Variants in NCKAP5L observed in about 807,000 individuals in gnomAD.
NCKAP5L encodes nck-associated protein 5-like.
NCKAP5L carries 54 observed loss-of-function variants against 103.2 expected under a neutral mutation model. The ratio of observed to expected loss-of-function variants is 0.52; its 90% CI spans 0.42 to 0.66. The LOEUF (loss-of-function observed/expected upper bound fraction) is 0.66, where lower values mean the gene tolerates loss of function less well. Among genes scored for constraint, NCKAP5L ranks in the 30% least tolerant of loss-of-function variants. The pLI is 0.00. For missense variants in NCKAP5L, 1,733 were observed against 1,750.6 expected, an observed-to-expected ratio of 0.99 and a Z score of 0.18; for synonymous variants, 762 against 748.6, an observed-to-expected ratio of 1.02 and a Z score of -0.29.
chr12:49,816,388 TATC>T (rs1946296189), intron 1 of NCKAP5L, among the ~76,000 whole-genome samples: 1 of 148,676 alleles, frequency 6.7e-6, no homozygotes, highest in South Asian at 2.1e-4. Flanking sequence ...GACCCCTAAC[TATC>T]CTCCATCAAA....
At chr12:49,811,687 T>G (rs985110357) in intron 1 of NCKAP5L, among the ~76,000 whole-genome samples, 1 of 152,008 alleles carries the variant, frequency 6.6e-6, no homozygotes, top group Non-Finnish European at 1.5e-5. Context: ...GGTGGGAGGA[T>G]CACTTGAGGG....
At chr12:49,803,051 G>A (rs757948727) in intron 4 of NCKAP5L, 46 bp downstream of exon 4, 1 of 1,614,144 alleles carries the variant, frequency 6.2e-7, no homozygotes, top group South Asian at 1.1e-5. Context: ...CTTCTGCCAG[G>A]AGCAGATGAG....
intron 1 of NCKAP5L, among the ~76,000 whole-genome samples, chr12:49,820,990 A>C (rs933277653): frequency 1.3e-5 from 2 of 152,130 alleles, no homozygotes; most frequent in African/African-American, 4.8e-5. Context: ...AGGAGAGAAG[A>C]ATATCCCATC....
intron 8 of NCKAP5L, 51 bp from the exon 9 acceptor site, chr12:49,793,947 A>G (rs1945983984): frequency 1.4e-6 from 2 of 1,412,306 alleles, no homozygotes; most frequent in Non-Finnish European, 1.9e-6. Context: ...CTGCCCAGAC[A>G]TTCCAGCCTT....
In NCKAP5L at chr12:49,791,798, T is replaced by C. The variant is rs1945938341; in HGVS notation, c.*41A>G. ...GCATGAAGAGAGCCGGTCCAGTCTG[T>C]GGTCCCCAGCTCCAGCGGGGCCGTG... On this transcript the variant is annotated 3_prime_UTR_variant, in exon 13 of 13. Coordinates refer to ENST00000335999, the MANE Select transcript of NCKAP5L (RefSeq NM_001037806.4). 3 of 1,493,654 alleles carry C rather than the reference T, an allele frequency of 2.0e-6. No homozygotes were observed. The highest frequency in any genetic ancestry group is 2.7e-6 in the Non-Finnish European group (3 of 1,110,842). 92.5% of individuals were successfully genotyped at this position (1,493,654 alleles called of 1,614,324 possible).
At chr12:49,825,441 T>C (rs1427427117) in intron 1 of NCKAP5L, among the ~76,000 whole-genome samples, 2 of 152,142 alleles carry the variant, frequency 1.3e-5, no homozygotes, top group Non-Finnish European at 1.5e-5. Flanking sequence ...TCAGGCATGA[T>C]GGGGTCAGGG....
In NCKAP5L at chr12:49,791,706, T is replaced by G; in HGVS notation, c.*133A>C. ...GTGGTGGGGTGTGCCAGGGACCCCC[T>G]TTTCACCTTCTTATCCACCTGCCTC... is the stretch of plus-strand genomic sequence containing the variant. On this transcript the variant is annotated 3_prime_UTR_variant, in exon 13 of 13. Transcript: ENST00000335999. 1.3e-6 allele frequency: 1 copy of G among 748,182 alleles called. No homozygotes were observed. The highest frequency in any genetic ancestry group is 2.1e-6 in the Non-Finnish European group (1 of 480,482). 46.3% of individuals were successfully genotyped at this position (748,182 alleles called of 1,614,324 possible).
chr12:49,803,292 T>C, intron 3 of NCKAP5L, 127 bp from the exon 4 acceptor site: 3 of 858,698 alleles, frequency 3.5e-6, no homozygotes, highest in Admixed American at 2.2e-5. Context: ...CTCCAGCTCT[T>C]GGCTGTGAGC....
intron 1 of NCKAP5L, among the ~76,000 whole-genome samples, chr12:49,807,716 C>T (rs1946196075): frequency 1.3e-5 from 2 of 152,218 alleles, no homozygotes; most frequent in Non-Finnish European, 2.9e-5. Flanking sequence ...AGGTCACCTC[C>T]AGCATCTGAC....
chr12:49,793,116 C>A (rs1945967764), intron 10 of NCKAP5L, 130 bp from the exon 11 acceptor site: 2 of 845,896 alleles, frequency 2.4e-6, no homozygotes, highest in Non-Finnish European at 3.6e-6. Flanking sequence ...GCTCATTCCA[C>A]AGCACCTGTC....
At chr12:49,812,128 T>A (rs1298698706) in intron 1 of NCKAP5L, among the ~76,000 whole-genome samples, 3 of 152,198 alleles carry the variant, frequency 2.0e-5, no homozygotes, top group African/African-American at 7.2e-5. Flanking sequence ...CGTGCAATCA[T>A]CAACATGGTT....
intron 1 of NCKAP5L, among the ~76,000 whole-genome samples, chr12:49,815,993 C>T (rs1426166347): frequency 2.0e-5 from 3 of 152,184 alleles, no homozygotes; most frequent in African/African-American, 7.2e-5. Flanking sequence ...ACACAACCCT[C>T]AAAGCTCTGC....
Position 49,800,291 on chromosome 12 carries a change from G to A in NCKAP5L, c.351+1557C>T, listed in dbSNP as rs1035665187. On this transcript the variant is annotated intron_variant, in intron 6 of 12. Coordinates refer to ENST00000335999, the MANE Select transcript of NCKAP5L (RefSeq NM_001037806.4). ...CACACTGTCCCCTGGGTTCTTTGAC[G>A]GCACTGTCACACTCTGCCTTGTGGC... 7.9e-5 allele frequency among the ~76,000 whole-genome samples: 12 copies of A among 152,160 alleles called. No individual in the cohort carries two copies. In the South Asian group the frequency reaches 1.5e-3, roughly 18 times the overall value.
chr12:49,804,686 C>T (rs752528212), intron 2 of NCKAP5L: 5 of 152,202 alleles, frequency 3.3e-5, no homozygotes, highest in African/African-American at 1.2e-4. Context: ...ATATGAAAAC[C>T]GAGCTCATTC....
At position 49,792,516 on chromosome 12, in the gene NCKAP5L, G is replaced by A. The variant is rs757302905; in HGVS notation, c.3722C>T (p.Ala1241Val). The change falls in exon 12 of 13, where the codon GCA (alanine) becomes GTA (valine). Residue 1241 changes from alanine (A) to valine (V), a missense_variant. Coordinates refer to ENST00000335999, the MANE Select transcript of NCKAP5L (RefSeq NM_001037806.4). The surrounding 1 kb of genome is among the most constrained non-coding windows in gnomAD (Gnocchi z 4.5). The part of the protein sequence containing the change: ...AKNWTFPNTR[A>V]AGSSSDPLMC... ...GAGAGGGTCCGAGGAGCTGCCGGCT[G>A]CCCTAGTATTGGGGAAGGTCCAGTT... The A allele has an allele frequency of 4.3e-6, 7 of 1,613,720 alleles. No homozygotes were observed. The highest frequency in any genetic ancestry group is 1.7e-4 in the Middle Eastern group (1 of 6,060).
At position 49,795,003 on chromosome 12, in the gene NCKAP5L, C is replaced by T. The variant is rs777291064; in HGVS notation, c.2857G>A (p.Glu953Lys). The T allele has an allele frequency of 1.3e-6, 2 of 1,599,132 alleles. No individual in the cohort carries two copies. Among genetic ancestry groups the T allele is most frequent in the Admixed American group, 3.5e-5 (2 of 57,480 alleles). Residue 953 changes from glutamate (E) to lysine (K), a missense_variant, in exon 8 of 13, where the codon GAA becomes AAA. By Grantham distance (56) the Glu-to-Lys change is moderately conservative. Transcript: ENST00000335999. Reference sequence around the variant, plus strand: ...AGCTTCCGGGCTTCCATCTTGACTTCCCTCCGGAGCGGGGAGCCCCCGCCA... The same window carrying T: ...AGCTTCCGGGCTTCCATCTTGACTTTCCTCCGGAGCGGGGAGCCCCCGCCA... ...GAGGGSPLRR[E>K]VKMEARKLEA...
intron 8 of NCKAP5L, 22 bp downstream of exon 8, chr12:49,794,743 T>A (rs1946002900): frequency 4.8e-6 from 7 of 1,460,986 alleles, no homozygotes; most frequent in Non-Finnish European, 5.4e-6. Context: ...CAAGCCCCTG[T>A]TGACTGATCC....
chr12:49,822,567 G>C (rs1461401946), intron 1 of NCKAP5L, among the ~76,000 whole-genome samples: 2 of 108,820 alleles, frequency 1.8e-5, no homozygotes, highest in African/African-American at 7.3e-5. Context: ...TTTTTTTTTT[G>C]AGACAGGGTC....
intron 1 of NCKAP5L, among the ~76,000 whole-genome samples, chr12:49,811,679 TG>T (rs1361918111): frequency 6.6e-6 from 1 of 151,994 alleles, no homozygotes; most frequent in Non-Finnish European, 1.5e-5. Context: ...GAGGCTGAGG[TG>T]GGAGGATCAC....
Sources: gnomAD v4.1 joint callset for allele counts (sites outside exome capture counted in the v4.1 genomes callset) on GRCh38, gnomAD v4.1.1 for gene constraint, Gnocchi (gnomAD v3.1) non-coding constraint, MANE v1.5 for transcripts, NCBI Gene and HGNC (gene_info 2026-07-23, HGNC 2026-07-21) for gene names.